HEG1: variants seen among roughly 807,000 people sequenced by gnomAD.
HEG1 encodes the protein heart development protein with EGF like domains 1.
A neutral mutation model predicts 125.6 loss-of-function variants in HEG1; 56 were observed. The ratio of observed to expected loss-of-function variants is 0.45; its 90% CI spans 0.36 to 0.56. The LOEUF is 0.56. HEG1 is among the 20% of genes least tolerant of loss of function. The pLI is 0.00. For missense variants in HEG1, 1,523 were observed against 1,670.0 expected (o/e 0.91, Z 1.53); for synonymous variants, 644 against 668.5 (o/e 0.96, Z 0.57).
chr3:125,028,884 G>A (rs1456770927), intron 2 of HEG1, among the ~76,000 whole-genome samples: 1 of 152,180 alleles, frequency 6.6e-6, no homozygotes, highest in Non-Finnish European at 1.5e-5. Context: ...GCCTGTCGCA[G>A]CTATGCATCC....
Position 125,055,700 on chromosome 3 carries a change from G to C in HEG1, c.191C>G (p.Pro64Arg). Reference protein sequence around the residue: ...LQLERRPEREPPPTPPRERRG... With the variant: ...LQLERRPERERPPTPPRERRG... ...GCGCTCCCGGGGCGGCGTGGGCGGC[G>C]GCTCGCGCTCCGGGCGGCGCTCCAG... is the stretch of plus-strand genomic sequence containing the variant. The change falls in exon 1 of 17, where the codon CCG becomes CGG. Residue 64 changes from proline (P) to arginine (R), a missense_variant. Transcript: ENST00000311127. 1.8e-6 allele frequency: 2 copies of C among 1,096,888 alleles called. No homozygotes were observed. The highest frequency in any genetic ancestry group is 8.6e-5 in the South Asian group (2 of 23,194). 67.9% of individuals were successfully genotyped at this position (1,096,888 alleles called of 1,614,324 possible).
intron 12 of HEG1, among the ~76,000 whole-genome samples, chr3:124,997,181 G>A (rs551465864): frequency 6.6e-5 from 10 of 152,224 alleles, no homozygotes; most frequent in Non-Finnish European, 1.3e-4. Flanking sequence ...ATATCCAATA[G>A]AGGATCACCA....
chr3:125,055,509 A>C, intron 1 of HEG1, 66 bp downstream of exon 1: 1 of 1,065,844 alleles, frequency 9.4e-7, no homozygotes, highest in African/African-American at 1.7e-5. Flanking sequence ...CTGGGGATGC[A>C]GCCCGGGGCG....
chr3:125,002,087 C>A, intron 10 of HEG1, 75 bp from the exon 11 acceptor site: 1 of 1,569,342 alleles, frequency 6.4e-7, no homozygotes, highest in South Asian at 1.1e-5. Context: ...AAATGAATGT[C>A]ATCGCCATTC....
chr3:124,994,608 C>T (rs1032613881), intron 12 of HEG1, among the ~76,000 whole-genome samples: 8 of 151,826 alleles, frequency 5.3e-5, no homozygotes, highest in East Asian at 3.9e-4. Flanking sequence ...TGGGTTCAAG[C>T]GATTCTTCTG....
intron 5 of HEG1, among the ~76,000 whole-genome samples, chr3:125,017,473 T>C (rs1937268791): frequency 6.6e-6 from 1 of 152,218 alleles, no homozygotes; most frequent in South Asian, 2.1e-4. Flanking sequence ...CATGAAAAGA[T>C]GCTCAGCATT....
intron 12 of HEG1, among the ~76,000 whole-genome samples, chr3:124,995,565 C>T (rs767758873): frequency 6.6e-6 from 1 of 152,174 alleles, no homozygotes; most frequent in Non-Finnish European, 1.5e-5. Flanking sequence ...TATATTGAGC[C>T]TTGATTTGAG....
rs1345772258 is a variant in HEG1 at position 125,001,969 on chromosome 3, G to A, written c.3400C>T (p.Leu1134=). ...VVISLQTTFS[L]ASNVTLFDLA... ...TCAAATAGCGTCACATTGGAGGCCAGGGAAAAGGTTGTTTGCAGTGAGATC... is the reference window on the plus strand; with the variant it reads ...TCAAATAGCGTCACATTGGAGGCCAAGGAAAAGGTTGTTTGCAGTGAGATC... The change falls in exon 11 of 17, where the codon CTG becomes TTG. Residue 1134 remains leucine, a synonymous_variant. Transcript: ENST00000311127. The A allele has an allele frequency of 1.2e-6, 2 of 1,614,034 alleles. No homozygotes were observed. The highest frequency in any genetic ancestry group is 1.1e-5 in the South Asian group (1 of 91,050).
chr3:125,021,167 G>A (rs1332114218), intron 3 of HEG1, 37 bp from the exon 4 acceptor site: 4 of 1,465,064 alleles, frequency 2.7e-6, no homozygotes, highest in Admixed American at 2.3e-5. Context: ...AATTACTCAG[G>A]AGTTTAAGAA....
At chr3:125,043,766 C>G (rs1937621503) in intron 1 of HEG1, among the ~76,000 whole-genome samples, 1 of 152,124 alleles carries the variant, frequency 6.6e-6, no homozygotes, top group South Asian at 2.1e-4. Context: ...CACATTTGAT[C>G]ACACCCAGAG....
chr3:125,046,870 A>G (rs907727096), intron 1 of HEG1, among the ~76,000 whole-genome samples: 2 of 152,254 alleles, frequency 1.3e-5, no homozygotes, highest in African/African-American at 4.8e-5. Flanking sequence ...TCTGATTTGA[A>G]GAACACTCAT....
chr3:125,047,236 G>C (rs1320273470), intron 1 of HEG1, among the ~76,000 whole-genome samples: 1 of 152,260 alleles, frequency 6.6e-6, no homozygotes, highest in Non-Finnish European at 1.5e-5. Context: ...AAGGCAAGGT[G>C]CGATGGGAGG....
chr3:125,009,848 C>G, intron 7 of HEG1, 24 bp from the exon 8 acceptor site: 3 of 1,596,860 alleles, frequency 1.9e-6, no homozygotes, highest in African/African-American at 2.7e-5. Context: ...AAAAGAAGAA[C>G]ATCTTGCATC....
intron 1 of HEG1, among the ~76,000 whole-genome samples, chr3:125,046,138 C>A (rs1375665120): frequency 2.6e-5 from 4 of 152,054 alleles, no homozygotes; most frequent in Admixed American, 2.0e-4. Flanking sequence ...CCAACCCCCG[C>A]CAGAGCTCCA....
At chr3:125,026,644 C>T (rs1156613790) in intron 3 of HEG1, among the ~76,000 whole-genome samples, 2 of 152,152 alleles carry the variant, frequency 1.3e-5, no homozygotes, top group Non-Finnish European at 2.9e-5. Context: ...AATCTCACTC[C>T]TAATCAAATG....
rs565527579 is a variant in HEG1, at chr3:124,987,614, C to G, written c.3733+3173G>C. On this transcript the variant is annotated intron_variant, in intron 14 of 16. Coordinates refer to ENST00000311127, the MANE Select transcript of HEG1 (RefSeq NM_020733.2). ...CCCGGCTCACTGCAAGCTCCGCCCC[C>G]CCAGGTTCACGCCATTCTGCCTCAG... is the stretch of plus-strand genomic sequence containing the variant. Among the ~76,000 whole-genome samples, 83 of 136,094 alleles carry G rather than the reference C, an allele frequency of 6.1e-4. 1 individual carries two copies. The highest frequency in any genetic ancestry group is 2.4e-3 in the East Asian group (10 of 4,200). 89.3% of individuals were successfully genotyped at this position (136,094 alleles called of 152,430 possible). A position where few individuals can be genotyped will look rare whatever the true frequency, so the allele number is the denominator to read the frequency against.
chr3:125,029,945 T>G lies in HEG1; in HGVS notation c.317-457A>C, dbSNP rs147796093. Among the ~76,000 whole-genome samples, 525 of 152,298 alleles carry G rather than the reference T, an allele frequency of 3.4e-3. 4 individuals are homozygous for G. Among genetic ancestry groups the G allele is most frequent in the African/African-American group, 0.012 (501 of 41,564 alleles). Reference sequence around the variant, plus strand: ...TTTCCCATATTCATTATTCTTATAATCCAGAGGAAGGAATTATGAAGCAAC... The same window carrying G: ...TTTCCCATATTCATTATTCTTATAAGCCAGAGGAAGGAATTATGAAGCAAC... On this transcript the variant is annotated intron_variant, in intron 1 of 16. Coordinates refer to ENST00000311127, the MANE Select transcript of HEG1 (RefSeq NM_020733.2).
At position 124,997,669 on chromosome 3, in the gene HEG1, C is replaced by A; in HGVS notation, c.3652+20G>T. On this transcript the variant is annotated intron_variant, in intron 12 of 16. Transcript: ENST00000311127. ...GAGTCCCAGGACTGGGCACAGAACC[C>A]CAGGCGAAGCTGTGGCTACCTCGGC... 6.4e-7 allele frequency: 1 copy of A among 1,555,266 alleles called. No individual in the cohort carries two copies. Among genetic ancestry groups the A allele is most frequent in the Non-Finnish European group, 8.7e-7 (1 of 1,144,664 alleles).
rs576077436 is a variant in HEG1, at chr3:125,035,343, C to T, written c.317-5855G>A. ...GAGGCTCCTTAGAGTAAATTAAAAA[C>T]GAAACATGTACCTCTATCATAGTGA... On this transcript the variant is annotated intron_variant, in intron 1 of 16. Coordinates refer to ENST00000311127, the MANE Select transcript of HEG1 (RefSeq NM_020733.2). 1.7e-4 allele frequency among the ~76,000 whole-genome samples: 26 copies of T among 152,130 alleles called. No individual in the cohort carries two copies. In the South Asian group the frequency reaches 2.7e-3, roughly 16 times the overall value.
Sources: allele counts gnomAD v4.1 joint callset (sites outside exome capture counted in the v4.1 genomes callset), GRCh38; gene constraint gnomAD v4.1.1; transcripts MANE v1.5; gene names NCBI Gene and HGNC (gene_info 2026-07-23, HGNC 2026-07-21).